Variants in SCFD2 observed in about 807,000 individuals in gnomAD.
The protein encoded by SCFD2 is sec1 family domain containing 2.
Under a neutral mutation model 58.9 loss-of-function variants are expected in SCFD2, and 54 were observed. The ratio of observed to expected loss-of-function variants is 0.92; its 90% CI spans 0.74 to 1.15. SCFD2 has a LOEUF of 1.15. SCFD2 is among the 50% of genes most tolerant of loss of function. SCFD2 has a pLI of 0.00. For synonymous variants in SCFD2, 321 were observed against 335.9 expected (o/e 0.96, Z 0.49); for missense variants, 805 against 836.6 (o/e 0.96, Z 0.47).
chr4:53,250,793 G>A (rs1577897205), intron 4 of SCFD2, among the ~76,000 whole-genome samples: 1 of 152,152 alleles, frequency 6.6e-6, no homozygotes, highest in Non-Finnish European at 1.5e-5. Flanking sequence ...GAGAAAGCAG[G>A]AAAGATCTAA....
chr4:53,156,928 T>G (rs2148923393), intron 4 of SCFD2, among the ~76,000 whole-genome samples: 1 of 152,312 alleles, frequency 6.6e-6, no homozygotes, highest in Admixed American at 6.5e-5. Flanking sequence ...CTTGAAAGAA[T>G]GACATAGAAG....
chr4:52,920,944 T>A, intron 5 of SCFD2, 74 bp from the exon 6 acceptor site: 1 of 873,142 alleles, frequency 1.1e-6, no homozygotes, highest in Non-Finnish European at 1.7e-6. Context: ...GAGCTCGATG[T>A]AATGTAGTTG....
chr4:52,927,067 T>A (rs1005443030), intron 5 of SCFD2, among the ~76,000 whole-genome samples: 1 of 152,154 alleles, frequency 6.6e-6, no homozygotes, highest in Non-Finnish European at 1.5e-5. Context: ...TCCCGGGAAG[T>A]GCATAAGGCA....
chr4:53,325,522 A>G (rs575964013), intron 2 of SCFD2, among the ~76,000 whole-genome samples: 56 of 105,648 alleles, frequency 5.3e-4, no homozygotes, highest in African/African-American at 1.8e-3. Flanking sequence ...GGTTCTAGAT[A>G]CCACATTTTA....
rs1297786347 is a variant in SCFD2 at position 53,188,120 on chromosome 4, G to GA, written c.1312-42539dup. 2.6e-5 allele frequency among the ~76,000 whole-genome samples: 4 copies of GA among 151,932 alleles called. No individual in the cohort carries two copies. In the East Asian group the frequency reaches 5.8e-4, roughly 22 times the overall value. On this transcript the variant is annotated intron_variant, in intron 4 of 8. Coordinates refer to ENST00000401642, the MANE Select transcript of SCFD2 (RefSeq NM_152540.4). ...TATGCTTAATGGTTAAATGGCAATA[G>GA]AAAAAAAGACAAATAACTAAGCAGT...
At chr4:53,270,994 A>G (rs115512200) in intron 4 of SCFD2, among the ~76,000 whole-genome samples, 2,281 of 152,298 alleles carry the variant, frequency 0.015, 28 homozygotes, top group Non-Finnish European at 0.022. Context: ...AAAACAAGAT[A>G]TTTTGAGGTA....
chr4:53,146,407 T>C (rs1229715977), intron 4 of SCFD2, among the ~76,000 whole-genome samples: 1 of 152,148 alleles, frequency 6.6e-6, no homozygotes, highest in Non-Finnish European at 1.5e-5. Flanking sequence ...TATAAAATAA[T>C]CCTGTAAGAT....
At chr4:53,295,287 T>C (rs1214580797) in intron 3 of SCFD2, among the ~76,000 whole-genome samples, 1 of 152,222 alleles carries the variant, frequency 6.6e-6, no homozygotes, top group African/African-American at 2.4e-5. Flanking sequence ...GGAATGTTTG[T>C]CCATTTGTTT....
chr4:53,130,160 T>C (rs1167292364), intron 5 of SCFD2, among the ~76,000 whole-genome samples: 1 of 152,190 alleles, frequency 6.6e-6, no homozygotes, highest in African/African-American at 2.4e-5. Flanking sequence ...GTATGACTTC[T>C]GTAATAAGGA....
At chr4:53,097,542 T>C (rs1577724382) in intron 5 of SCFD2, among the ~76,000 whole-genome samples, 1 of 152,334 alleles carries the variant, frequency 6.6e-6, no homozygotes, top group Admixed American at 6.5e-5. Context: ...ATAAGAATGC[T>C]TGTGATTTTT....
intron 5 of SCFD2, among the ~76,000 whole-genome samples, chr4:53,033,888 A>G (rs1722686799): frequency 6.6e-6 from 1 of 152,182 alleles, no homozygotes; most frequent in African/African-American, 2.4e-5. Flanking sequence ...AGAGGTACAA[A>G]GAGGAGCTGG....
chr4:53,295,155 G>GT (rs1012904766), intron 3 of SCFD2, among the ~76,000 whole-genome samples: 3 of 151,664 alleles, frequency 2.0e-5, no homozygotes, highest in South Asian at 2.1e-4. Context: ...ATTTAAATTA[G>GT]TTTTTTTTCC....
At chr4:52,934,033 T>C (rs950167756) in intron 5 of SCFD2, among the ~76,000 whole-genome samples, 20 of 152,226 alleles carry the variant, frequency 1.3e-4, no homozygotes, top group Non-Finnish European at 2.5e-4. Flanking sequence ...ATTTCCAGTC[T>C]TCAGAACCAT....
intron 5 of SCFD2, among the ~76,000 whole-genome samples, chr4:53,077,189 A>G (rs1724002958): frequency 6.6e-6 from 1 of 152,186 alleles, no homozygotes; most frequent in African/African-American, 2.4e-5. Flanking sequence ...CAACATAAAA[A>G]TAGAAGTTCT....
chr4:53,215,603 T>C (rs1244090248), intron 4 of SCFD2, among the ~76,000 whole-genome samples: 2 of 152,166 alleles, frequency 1.3e-5, no homozygotes, highest in African/African-American at 4.8e-5. Context: ...AGGGACAATT[T>C]GACTTCCTCT....
chr4:53,123,567 T>C (rs892885592), intron 5 of SCFD2, among the ~76,000 whole-genome samples: 2 of 151,428 alleles, frequency 1.3e-5, no homozygotes, highest in African/African-American at 2.4e-5. Context: ...CCTAGCAAGG[T>C]GCCAGTTGTG....
At position 53,187,246 on chromosome 4, in the gene SCFD2, T is replaced by G. The variant is rs7677921; in HGVS notation, c.1312-41664A>C. ...AAATTAGAAAGTATTCATTAAATTT[T>G]TCTTCTTATTAAATCAGCAATATTG... is the stretch of plus-strand genomic sequence containing the variant. On this transcript the variant is annotated intron_variant, in intron 4 of 8. Transcript: ENST00000401642. Among the ~76,000 whole-genome samples, 1,306 of 152,206 alleles carry G rather than the reference T, an allele frequency of 8.6e-3. 17 individuals carry two copies. The highest frequency in any genetic ancestry group is 0.03 in the African/African-American group (1,229 of 41,554).
chr4:53,187,130 A>T (rs957659591), intron 4 of SCFD2, among the ~76,000 whole-genome samples: 10 of 152,064 alleles, frequency 6.6e-5, no homozygotes, highest in Non-Finnish European at 1.3e-4. Context: ...TTAAAACTCC[A>T]GTAGAAAAGA....
At chr4:52,965,557 AT>A (rs1720944859) in intron 5 of SCFD2, among the ~76,000 whole-genome samples, 1 of 152,236 alleles carries the variant, frequency 6.6e-6, no homozygotes, top group Non-Finnish European at 1.5e-5. Context: ...ATTCAAAATG[AT>A]GCCAATATTG....
Sources: gnomAD v4.1 joint callset for allele counts (sites outside exome capture counted in the v4.1 genomes callset) on GRCh38, gnomAD v4.1.1 for gene constraint, MANE v1.5 for transcripts, NCBI Gene and HGNC (gene_info 2026-07-23, HGNC 2026-07-21) for gene names.